The following ZNF112 variants were observed in gnomAD, a reference collection of about 807,000 sequenced individuals.
The protein encoded by ZNF112 is zinc finger protein 112.
ZNF112 carries 37 observed loss-of-function variants against 77.7 expected under a neutral mutation model. The observed-to-expected ratio is 0.48, with a 90% CI of 0.37 to 0.63. The LOEUF (loss-of-function observed/expected upper bound fraction) is 0.63. ZNF112 is among the 20% of genes least tolerant of loss of function. The pLI is 0.00. For synonymous variants in ZNF112, 333 were observed against 363.6 expected, an observed-to-expected ratio of 0.92 and a Z score of 0.96; for missense variants, 950 against 1,077.4, an observed-to-expected ratio of 0.88 and a Z score of 1.66.
In ZNF112 at chr19:44,328,915, A is replaced by G. The variant is rs766917973; in HGVS notation, c.1242T>C (p.Tyr414=). Residue 414 remains tyrosine, a synonymous_variant, in exon 4 of 4, where the codon TAT becomes TAC. Transcript: ENST00000354340. ...TEEKLYTDIE[Y]GKSFICSSNL... is the part of the protein sequence containing the mutation. The stretch of plus-strand genomic sequence containing the variant: ...TTGAACTACAAATGAAACTCTTTCC[A>G]TACTCTATATCTGTGTATAGTTTCT... 3 of 1,614,010 alleles carry G rather than the reference A, an allele frequency of 1.9e-6. No homozygotes were observed. The highest frequency in any genetic ancestry group is 8.5e-7 in the Non-Finnish European group (1 of 1,179,998).
At chr19:44,354,797 T>C (rs1970756948) in intron 1 of ZNF112, among the ~76,000 whole-genome samples, 2 of 152,204 alleles carry the variant, frequency 1.3e-5, no homozygotes, top group African/African-American at 4.8e-5. Context: ...CAAAGAGCTA[T>C]AAGACTTAGG....
chr19:44,366,454 G>T (rs1970905318), intron 1 of ZNF112, among the ~76,000 whole-genome samples: 1 of 152,004 alleles, frequency 6.6e-6, no homozygotes, highest in African/African-American at 2.4e-5. Flanking sequence ...CTTCTGCCCT[G>T]AGAAGAGAGA....
intron 1 of ZNF112, among the ~76,000 whole-genome samples, chr19:44,347,635 C>G (rs1369100): frequency 6.7e-6 from 1 of 150,012 alleles, no homozygotes; most frequent in Admixed American, 6.6e-5. Context: ...TGTTTTACTA[C>G]TTTTTGTAAA....
intron 1 of ZNF112, among the ~76,000 whole-genome samples, chr19:44,344,501 T>C (rs1352146140): frequency 6.6e-6 from 1 of 152,194 alleles, no homozygotes; most frequent in Admixed American, 6.5e-5. Context: ...TGGCCTCTGC[T>C]GTAGAATCCA....
At chr19:44,353,013 A>G (rs1006835280) in intron 1 of ZNF112, among the ~76,000 whole-genome samples, 13 of 152,162 alleles carry the variant, frequency 8.5e-5, no homozygotes, top group African/African-American at 2.9e-4. Flanking sequence ...CAAAGGAACC[A>G]GAATAGCTAA....
At chr19:44,354,167 C>G (rs138017567) in intron 1 of ZNF112, among the ~76,000 whole-genome samples, 1 of 152,102 alleles carries the variant, frequency 6.6e-6, no homozygotes, top group Non-Finnish European at 1.5e-5. Context: ...AAAGACAAAA[C>G]TATAGCGTTT....
Position 44,328,589 on chromosome 19 carries a change from A to G in ZNF112, c.1568T>C (p.Ile523Thr). The change falls in exon 4 of 4, where the codon ATA (isoleucine) becomes ACA (threonine). Residue 523 changes from isoleucine to threonine, a missense_variant. By Grantham distance (89) the Ile-to-Thr change is moderately conservative. Transcript: ENST00000354340. The part of the protein sequence containing the change: ...HTGQKPYKCN[I>T]CGKGFNHRSV... Reference sequence around the variant, plus strand: ...TCTATGATTGAAACCTTTGCCGCATATATTGCATTTGTATGGCTTCTGTCC... The same window carrying G: ...TCTATGATTGAAACCTTTGCCGCATGTATTGCATTTGTATGGCTTCTGTCC... 1 of 1,613,580 alleles carries G rather than the reference A, an allele frequency of 6.2e-7. No homozygotes were observed. The highest frequency in any genetic ancestry group is 8.5e-7 in the Non-Finnish European group (1 of 1,179,866).
intron 1 of ZNF112, among the ~76,000 whole-genome samples, chr19:44,343,524 T>A (rs1483551956): frequency 6.6e-6 from 1 of 152,160 alleles, no homozygotes; most frequent in East Asian, 1.9e-4. Flanking sequence ...TAGCCTCACA[T>A]GCCTTACAGC....
At chr19:44,334,567 G>A (rs1248960426) in intron 3 of ZNF112, among the ~76,000 whole-genome samples, 2 of 152,146 alleles carry the variant, frequency 1.3e-5, no homozygotes, top group Admixed American at 6.5e-5. Flanking sequence ...AGGCCTGAAG[G>A]CCTAGGAGGG....
chr19:44,337,308 T>A lies in ZNF112; in HGVS notation c.125-590A>T, dbSNP rs9676262. On this transcript the variant is annotated intron_variant, in intron 2 of 3. Transcript: ENST00000354340. ...TTCATATATGTATAAAATATATATA[T>A]ATTTTGTATATGTATAAAATATATA... Among the ~76,000 whole-genome samples the A allele has an allele frequency of 7.9e-5, 9 of 113,628 alleles. 1 individual carries two copies. The highest frequency in any genetic ancestry group is 1.0e-4 in the African/African-American group (3 of 29,818). The allele number at this position is 113,628 out of a possible 152,430, so 74.5% of individuals were successfully genotyped here. A position where few individuals can be genotyped will look rare whatever the true frequency, so the allele number is the denominator to read the frequency against.
chr19:44,365,847 T>C (rs1024918169), intron 1 of ZNF112, among the ~76,000 whole-genome samples: 3 of 152,212 alleles, frequency 2.0e-5, no homozygotes, highest in Non-Finnish European at 2.9e-5. Flanking sequence ...CATTGACTTA[T>C]GTAGCTGCCA....
At chr19:44,350,995 G>A (rs1970681600) in intron 1 of ZNF112, among the ~76,000 whole-genome samples, 1 of 152,078 alleles carries the variant, frequency 6.6e-6, no homozygotes, top group Admixed American at 6.6e-5. Context: ...TAGTTATGGA[G>A]ATCAGAAGTC....
intron 1 of ZNF112, among the ~76,000 whole-genome samples, chr19:44,363,253 G>C (rs760447502): frequency 6.6e-6 from 1 of 152,108 alleles, no homozygotes; most frequent in African/African-American, 2.4e-5. Context: ...TTGTAGGCAT[G>C]AGCCACTGTG....
At chr19:44,365,390 T>C (rs1441106785) in intron 1 of ZNF112, among the ~76,000 whole-genome samples, 2 of 151,920 alleles carry the variant, frequency 1.3e-5, no homozygotes, top group Non-Finnish European at 2.9e-5. Context: ...AACCTGGGAG[T>C]TCGAGGCTGC....
chr19:44,363,331 T>A (rs2123230577), intron 1 of ZNF112, among the ~76,000 whole-genome samples: 1 of 152,280 alleles, frequency 6.6e-6, no homozygotes, highest in Non-Finnish European at 1.5e-5. Context: ...CCATATATTC[T>A]CAGCTTAGAT....
At chr19:44,348,938 T>C (rs1970644060) in intron 1 of ZNF112, among the ~76,000 whole-genome samples, 1 of 152,102 alleles carries the variant, frequency 6.6e-6, no homozygotes, top group Non-Finnish European at 1.5e-5. Context: ...TATCAAAATA[T>C]GGCTGGGCCA....
At chr19:44,360,287 AAAAG>A (rs1452454573), upstream of ZNF112, among the ~76,000 whole-genome samples, 1 of 151,922 alleles carries the variant, frequency 6.6e-6, no homozygotes, top group African/African-American at 2.4e-5. Context: ...AAAAGAAAGA[AAAAG>A]AAAATGACAG....
At chr19:44,359,510 G>T (rs1255172487), upstream of ZNF112, among the ~76,000 whole-genome samples, 1 of 151,644 alleles carries the variant, frequency 6.6e-6, no homozygotes, top group African/African-American at 2.4e-5. Flanking sequence ...TATCAGTAGA[G>T]ATGGGGTTTC....
chr19:44,336,531 C>T lies in ZNF112; in HGVS notation c.220+92G>A. The T allele has an allele frequency of 2.7e-6, 3 of 1,102,470 alleles. No individual in the cohort carries two copies. The South Asian group carries it at 4.1e-5, about 15-fold the overall frequency. 68.3% of individuals were successfully genotyped at this position (1,102,470 alleles called of 1,614,324 possible). A position where few individuals can be genotyped will look rare whatever the true frequency, so the allele number is the denominator to read the frequency against. ...ACTTACTATGTGTGAAATGGGGAGC[C>T]ACAGGAAAGCTTAAACAGAGAAGTG... On this transcript the variant is annotated intron_variant, in intron 3 of 3. Transcript: ENST00000354340.
Sources: gnomAD v4.1 joint callset for allele counts (sites outside exome capture counted in the v4.1 genomes callset) on GRCh38, gnomAD v4.1.1 for gene constraint, MANE v1.5 for transcripts, NCBI Gene and HGNC (gene_info 2026-07-23, HGNC 2026-07-21) for gene names.